Variants in CASP10 observed in about 807,000 individuals in gnomAD.
CASP10 encodes caspase-10.
Under a neutral mutation model 48.5 loss-of-function variants are expected in CASP10, and 41 were observed. The observed-to-expected ratio is 0.85, with a 90% CI of 0.66 to 1.10. The LOEUF is 1.10. CASP10 is among the 50% of genes least tolerant of loss of function. CASP10 has a pLI of 0.00. For synonymous variants in CASP10, 232 were observed against 238.4 expected (o/e 0.97, Z 0.25); for missense variants, 614 against 614.5 (o/e 1.00, Z 0.01).
At chr2:201,224,057 T>C (rs1283505578), downstream of CASP10, among the ~76,000 whole-genome samples, 7 of 151,826 alleles carry the variant, frequency 4.6e-5, no homozygotes, top group Admixed American at 2.6e-4. Context: ...CTGCAAGCTC[T>C]GCCTCCCAGG....
chr2:201,189,415 G>A, intron 3 of CASP10, among the ~76,000 whole-genome samples: 1 of 151,556 alleles, frequency 6.6e-6, no homozygotes, highest in East Asian at 1.9e-4. Context: ...ATTACAAGCA[G>A]GCACCACCAT....
At chr2:201,222,457 T>A (rs1372077478), downstream of CASP10, among the ~76,000 whole-genome samples, 1 of 152,216 alleles carries the variant, frequency 6.6e-6, no homozygotes, top group Non-Finnish European at 1.5e-5. Context: ...CCTCAAGTGA[T>A]CTGCCCACTT....
At chr2:201,209,648 G>A in intron 9 of CASP10, 86 bp downstream of exon 9, 3 of 1,385,420 alleles carry the variant, frequency 2.2e-6, no homozygotes, top group Non-Finnish European at 2.9e-6. Context: ...TTTGGTAAGG[G>A]TGAGAGTTCT....
chr2:201,190,711 A>C (rs760561652), intron 3 of CASP10, among the ~76,000 whole-genome samples: 1 of 152,174 alleles, frequency 6.6e-6, no homozygotes, highest in Admixed American at 6.6e-5. Flanking sequence ...GACGAGAGAA[A>C]GGTCATTTGT....
At chr2:201,224,002 T>C (rs10196725), downstream of CASP10, among the ~76,000 whole-genome samples, 81,562 of 149,758 alleles carry the variant, frequency 0.54, 23,251 homozygotes, top group African/African-American at 0.69. Flanking sequence ...GACGGAGTCT[T>C]GCTATGTTGC....
chr2:201,185,647 AG>A, intron 1 of CASP10, 123 bp from the exon 2 acceptor site: 1 of 717,568 alleles, frequency 1.4e-6, no homozygotes. Context: ...TTTATTTTTC[AG>A]CACTTCTAGG....
In CASP10 at chr2:201,200,073, T is replaced by C. The variant is rs562847187; in HGVS notation, c.685-3657T>C. ...TGGCCAGAATATCACAGAAGTGATG[T>C]GTCTTTCTCAGGGCATCCCATCTGG... On this transcript the variant is annotated intron_variant, in intron 5 of 9. Transcript: ENST00000286186. Among the ~76,000 whole-genome samples, 20 of 152,352 alleles carry C rather than the reference T, an allele frequency of 1.3e-4. No homozygotes were observed. The East Asian group carries it at 3.9e-3, about 29-fold the overall frequency.
chr2:201,209,186 G>A lies in CASP10; in HGVS notation c.1039G>A (p.Asp347Asn), dbSNP rs115264962. ...QKQKCNPAHA[D>N]GDCFVFCILT... is the part of the protein sequence containing the mutation. Reference sequence around the variant, plus strand: ...GCAGAAGTGCAATCCAGCCCATGCCGACGGGGACTGCTTCGTGTTCTGTAT... The same window carrying A: ...GCAGAAGTGCAATCCAGCCCATGCCAACGGGGACTGCTTCGTGTTCTGTAT... Residue 347 changes from aspartate to asparagine, a missense_variant, in exon 9 of 10, where the codon GAC (aspartate) becomes AAC (asparagine). By Grantham distance (23) the Asp-to-Asn change is conservative. Coordinates refer to ENST00000286186, the MANE Select transcript of CASP10 (RefSeq NM_032977.4). 11 of 1,612,804 alleles carry A rather than the reference G, an allele frequency of 6.8e-6. No homozygotes were observed. Among genetic ancestry groups the A allele is most frequent in the East Asian group, 4.5e-5 (2 of 44,850 alleles).
intron 2 of CASP10, 106 bp downstream of exon 2, chr2:201,186,230 C>T: frequency 1.2e-6 from 1 of 801,468 alleles, no homozygotes; most frequent in Non-Finnish European, 2.2e-6. Context: ...GGTTATCTAC[C>T]TCCTTGGATG....
downstream of CASP10, among the ~76,000 whole-genome samples, chr2:201,225,288 G>T (rs1291043403): frequency 6.6e-6 from 1 of 152,160 alleles, no homozygotes; most frequent in Admixed American, 6.5e-5. Flanking sequence ...CTTTCTGTCA[G>T]TTCCACTGAG....
chr2:201,184,048 A>G (rs1439358141), intron 1 of CASP10, among the ~76,000 whole-genome samples: 1 of 152,002 alleles, frequency 6.6e-6, no homozygotes, highest in Non-Finnish European at 1.5e-5. Context: ...GGCATACACC[A>G]CCAAGCCCAG....
rs947028574 is a variant in CASP10 at position 201,218,339 on chromosome 2, G to A, written c.*598G>A. On this transcript the variant is annotated 3_prime_UTR_variant, in exon 10 of 10. Transcript: ENST00000286186. ...TTTTTCTTTGAGACAGAGTCACTCC[G>A]TCACCTGGGCTGGAGTGCAGTGGTG... The A allele has an allele frequency of 7.1e-6, 7 of 989,364 alleles. No individual in the cohort carries two copies. The highest frequency in any genetic ancestry group is 7.0e-5 in the African/African-American group (4 of 57,046). The allele number at this position is 989,364 out of a possible 1,614,324, so 61.3% of individuals were successfully genotyped here.
chr2:201,219,735 G>A lies in CASP10; in HGVS notation c.*1994G>A. ...TTTTTTTTTTTTTTCAATTTCTAGAGGAACTTTTTCTCTGTTAATTCCTGG... is the reference window on the plus strand; with the variant it reads ...TTTTTTTTTTTTTTCAATTTCTAGAAGAACTTTTTCTCTGTTAATTCCTGG... On this transcript the variant is annotated 3_prime_UTR_variant, in exon 10 of 10. Transcript: ENST00000286186. 2.2e-5 allele frequency: 21 copies of A among 942,606 alleles called. No homozygotes were observed. The highest frequency in any genetic ancestry group is 2.6e-5 in the Non-Finnish European group (21 of 796,854). The allele number at this position is 942,606 out of a possible 1,614,324, so 58.4% of individuals were successfully genotyped here. A position where few individuals can be genotyped will look rare whatever the true frequency, so the allele number is the denominator to read the frequency against.
Position 201,186,049 on chromosome 2 carries a change from T to A in CASP10, c.272T>A (p.Leu91Gln). The A allele has an allele frequency of 6.2e-7, 1 of 1,612,896 alleles. No individual in the cohort carries two copies. The highest frequency in any genetic ancestry group is 8.5e-7 in the Non-Finnish European group (1 of 1,180,004). Residue 91 changes from leucine (L) to glutamine (Q), a missense_variant, in exon 2 of 10, where the codon CTG (leucine) becomes CAG (glutamine). Coordinates refer to ENST00000286186, the MANE Select transcript of CASP10 (RefSeq NM_032977.4). ...CTCTATATCATACGGCAGAAGAAGC[T>A]GCTGCAGCACCTCAACTGTACCAAA... The part of the protein sequence containing the change: ...ELLYIIRQKK[L>Q]LQHLNCTKEE...
In CASP10 at chr2:201,220,896, C is replaced by T; in HGVS notation, c.*3155C>T. 1.0e-6 allele frequency: 1 copy of T among 985,412 alleles called. No individual in the cohort carries two copies. Among genetic ancestry groups the T allele is most frequent in the Non-Finnish European group, 1.2e-6 (1 of 829,922 alleles). The allele number at this position is 985,412 out of a possible 1,614,324, so 61.0% of individuals were successfully genotyped here. A position where few individuals can be genotyped will look rare whatever the true frequency, so the allele number is the denominator to read the frequency against. ...GAGCAAAGGATCTGGAGATCAAAGC[C>T]CTGCATTTCCATTTTGTCCTGATTC... On this transcript the variant is annotated 3_prime_UTR_variant, in exon 10 of 10. Transcript: ENST00000286186.
At chr2:201,228,946 C>A (rs1945825011) in exon 10 of CASP10, 1 of 1,614,156 alleles carries the variant, frequency 6.2e-7, no homozygotes, top group Non-Finnish European at 8.5e-7. Flanking sequence ...GCTGAAATTT[C>A]TGGAAAAGAC....
At chr2:201,222,772 AC>A (rs1945741983), downstream of CASP10, among the ~76,000 whole-genome samples, 1 of 152,182 alleles carries the variant, frequency 6.6e-6, no homozygotes, top group Non-Finnish European at 1.5e-5. Flanking sequence ...ACGCTGTGGT[AC>A]CGACCCAGTG....
At chr2:201,196,778 C>G (rs1944809465) in intron 5 of CASP10, among the ~76,000 whole-genome samples, 3 of 152,170 alleles carry the variant, frequency 2.0e-5, no homozygotes, top group Admixed American at 2.0e-4. Flanking sequence ...CATCCATCTC[C>G]AGAACTTTTT....
At chr2:201,216,170 A>G (rs932975710) in intron 9 of CASP10, among the ~76,000 whole-genome samples, 1 of 149,794 alleles carries the variant, frequency 6.7e-6, no homozygotes, top group Non-Finnish European at 1.5e-5. Context: ...TTTATTATTC[A>G]ATTATTATTT....
Sources: allele counts gnomAD v4.1 joint callset (sites outside exome capture counted in the v4.1 genomes callset), GRCh38; gene constraint gnomAD v4.1.1; transcripts MANE v1.5; gene names NCBI Gene and HGNC (gene_info 2026-07-23, HGNC 2026-07-21).